The following ABCA5 variants were observed in gnomAD, a reference collection of about 807,000 sequenced individuals.
ABCA5 encodes the protein cholesterol transporter ABCA5.
A neutral mutation model predicts 206.0 loss-of-function variants in ABCA5; 163 were observed. The ratio of observed to expected loss-of-function variants is 0.79; its 90% CI spans 0.70 to 0.90. The LOEUF (loss-of-function observed/expected upper bound fraction) is 0.90, where lower values mean the gene tolerates loss of function less well. Ranked by LOEUF, ABCA5 falls within the 40% of genes least tolerant of loss-of-function variation. ABCA5 has a pLI of 0.00. For missense variants in ABCA5, 1,859 were observed against 1,912.9 expected, an observed-to-expected ratio of 0.97 and a Z score of 0.53; for synonymous variants, 609 against 613.8, an observed-to-expected ratio of 0.99 and a Z score of 0.11.
At chr17:69,312,806 C>G (rs1243152612) in intron 3 of ABCA5, among the ~76,000 whole-genome samples, 1 of 152,022 alleles carries the variant, frequency 6.6e-6, no homozygotes, top group Non-Finnish European at 1.5e-5. Flanking sequence ...AATAGCCCAT[C>G]AAAGCTTGTA....
At chr17:69,285,300 C>A (rs1219387133) in intron 17 of ABCA5, 1 of 123,970 alleles carries the variant, frequency 8.1e-6, no homozygotes, top group Non-Finnish European at 1.7e-5. Context: ...CTTCAGTCCA[C>A]TTAATTTGTG....
Position 69,297,172 on chromosome 17 carries a change from G to T in ABCA5, c.1436+19C>A. Reference sequence around the variant, plus strand: ...CATCAGCAGTTCTTATACCTAAATTGCCAAAGATTGAACCATACCTTATGG... The same window carrying T: ...CATCAGCAGTTCTTATACCTAAATTTCCAAAGATTGAACCATACCTTATGG... On this transcript the variant is annotated intron_variant, in intron 10 of 38. Transcript: ENST00000392676. 6.3e-7 allele frequency: 1 copy of T among 1,599,588 alleles called. No individual in the cohort carries two copies. Among genetic ancestry groups the T allele is most frequent in the Non-Finnish European group, 8.5e-7 (1 of 1,175,936 alleles).
chr17:69,256,918 T>C (rs2075089909), intron 28 of ABCA5, among the ~76,000 whole-genome samples: 1 of 151,834 alleles, frequency 6.6e-6, no homozygotes, highest in South Asian at 2.1e-4. Context: ...ACAACCTGAG[T>C]ATAAATGAAA....
intron 9 of ABCA5, among the ~76,000 whole-genome samples, chr17:69,299,455 T>TACACACACACACACAC (rs779059294): frequency 4.8e-5 from 3 of 62,618 alleles, no homozygotes; most frequent in Admixed American, 1.7e-4. Flanking sequence ...GAAAATGTGA[T>TACACACACACACACAC]ACACACACAC....
Position 69,271,234 on chromosome 17 carries a change from C to A in ABCA5, c.2820G>T (p.Thr940=). 1.2e-6 allele frequency: 2 copies of A among 1,613,388 alleles called. No homozygotes were observed. Among genetic ancestry groups the A allele is most frequent in the Non-Finnish European group, 8.5e-7 (1 of 1,179,558 alleles). ...ATACATAGTCACTGTCATTAATCATCGTCACCATTATGTTCTGGCTTGTGA... is the reference window on the plus strand; with the variant it reads ...ATACATAGTCACTGTCATTAATCATAGTCACCATTATGTTCTGGCTTGTGA... ...SFFTSQNIMV[T]MINDSDYVSV... is the part of the protein sequence containing the mutation. The change falls in exon 21 of 39, where the codon ACG becomes ACT. Residue 940 remains threonine, a synonymous_variant. Transcript: ENST00000392676.
At chr17:69,248,683 C>T (rs2074979232) in intron 37 of ABCA5, 1 of 180,682 alleles carries the variant, frequency 5.5e-6, no homozygotes, top group Non-Finnish European at 1.2e-5. Context: ...GATATTGGTC[C>T]TATCTCCATA....
At chr17:69,325,422 A>C (rs1377529350) in intron 1 of ABCA5, among the ~76,000 whole-genome samples, 1 of 152,206 alleles carries the variant, frequency 6.6e-6, no homozygotes, top group Non-Finnish European at 1.5e-5. Context: ...GTCATCCAAT[A>C]AATTTTCTTA....
At position 69,250,371 on chromosome 17, in the gene ABCA5, T is replaced by C. The variant is rs544236273; in HGVS notation, c.4685+101A>G. 826 of 928,638 alleles carry C rather than the reference T, an allele frequency of 8.9e-4. 1 individual carries two copies. Among genetic ancestry groups the C allele is most frequent in the Middle Eastern group, 2.7e-3 (8 of 2,948 alleles). The allele number at this position is 928,638 out of a possible 1,614,324, so 57.5% of individuals were successfully genotyped here. ...CACACAGAGATATATATATATATGG[T>C]CTATGAATGAAAAGATGATTTTTCA... is the stretch of plus-strand genomic sequence containing the variant. On this transcript the variant is annotated intron_variant, in intron 36 of 38. Coordinates refer to ENST00000392676, the MANE Select transcript of ABCA5 (RefSeq NM_172232.4).
chr17:69,301,159 TAGAC>T lies in ABCA5; in HGVS notation c.1243_1246del (p.Val415IlefsTer20), dbSNP rs774752492. 2 of 1,562,446 alleles carry T rather than the reference TAGAC, an allele frequency of 1.3e-6. No individual in the cohort carries two copies. The highest frequency in any genetic ancestry group is 1.2e-5 in the South Asian group (1 of 80,094). ...CATACCTGGAATGACTTGATCAAGA[TAGAC>T]AGCCAAGAGGACATAGAATATACTA... On this transcript the variant is annotated frameshift_variant, in exon 9 of 39. Transcript: ENST00000392676. LOFTEE classifies it high-confidence loss of function.
intron 1 of ABCA5, among the ~76,000 whole-genome samples, chr17:69,320,194 A>C (rs1454085210): frequency 6.6e-6 from 1 of 152,224 alleles, no homozygotes; most frequent in Non-Finnish European, 1.5e-5. Context: ...TCTTGGAACA[A>C]GAGAAAGATA....
intron 24 of ABCA5, among the ~76,000 whole-genome samples, 183 bp from the exon 25 acceptor site, chr17:69,261,931 G>A (rs1286318549): frequency 6.6e-6 from 1 of 151,966 alleles, no homozygotes; most frequent in Non-Finnish European, 1.5e-5. Context: ...TAAAAAGCAA[G>A]TATAGCTAGC....
chr17:69,291,865 C>T (rs893207283), intron 11 of ABCA5, among the ~76,000 whole-genome samples: 4 of 152,104 alleles, frequency 2.6e-5, no homozygotes, highest in Non-Finnish European at 1.5e-5. Flanking sequence ...GTAATCCCAA[C>T]ACTTTGGGAG....
chr17:69,295,970 T>C (rs939879977), intron 10 of ABCA5, among the ~76,000 whole-genome samples: 1 of 152,198 alleles, frequency 6.6e-6, no homozygotes, highest in Admixed American at 6.5e-5. Context: ...GAGAAAAGCA[T>C]AGTATTCCTT....
intron 7 of ABCA5, among the ~76,000 whole-genome samples, chr17:69,303,856 G>A (rs2886248): frequency 0.42 from 11,431 of 27,184 alleles, 4,331 homozygotes; most frequent in East Asian, 0.67. Flanking sequence ...ATATATATAT[G>A]TATATATATA....
At chr17:69,279,368 C>T (rs2075366378) in intron 18 of ABCA5, among the ~76,000 whole-genome samples, 2 of 152,022 alleles carry the variant, frequency 1.3e-5, no homozygotes, top group African/African-American at 4.8e-5. Flanking sequence ...AACTGCTGCT[C>T]AAGGAAATAA....
chr17:69,252,385 T>A (rs1400467721), intron 34 of ABCA5, among the ~76,000 whole-genome samples: 1 of 152,168 alleles, frequency 6.6e-6, no homozygotes, highest in Non-Finnish European at 1.5e-5. Context: ...AATCTATGAT[T>A]TCAAATGTTA....
At chr17:69,257,230 G>T in intron 28 of ABCA5, among the ~76,000 whole-genome samples, 1 of 151,818 alleles carries the variant, frequency 6.6e-6, no homozygotes, top group Non-Finnish European at 1.5e-5. Context: ...AATTAACCAG[G>T]TGTGGTGGCA....
In ABCA5 at chr17:69,274,946, C is replaced by T. The variant is rs553437388; in HGVS notation, c.2595-818G>A. 3.6e-4 allele frequency among the ~76,000 whole-genome samples: 51 copies of T among 142,042 alleles called. 1 individual carries two copies. The South Asian group carries it at 0.011, about 30-fold the overall frequency. 93.2% of individuals were successfully genotyped at this position (142,042 alleles called of 152,430 possible). ...GCAACCTCTGCCTCCCAGGTTCAAA[C>T]GATTGTCATGCCTCAGCCTCCCAAG... On this transcript the variant is annotated intron_variant, in intron 19 of 38. Coordinates refer to ENST00000392676, the MANE Select transcript of ABCA5 (RefSeq NM_172232.4).
At chr17:69,323,524 T>A (rs2075879593) in intron 1 of ABCA5, among the ~76,000 whole-genome samples, 1 of 152,236 alleles carries the variant, frequency 6.6e-6, no homozygotes, top group Admixed American at 6.5e-5. Context: ...AATGTCATTA[T>A]TAACATTGAC....
Sources: allele counts gnomAD v4.1 joint callset (sites outside exome capture counted in the v4.1 genomes callset), GRCh38; gene constraint gnomAD v4.1.1; transcripts MANE v1.5; gene names NCBI Gene and HGNC (gene_info 2026-07-23, HGNC 2026-07-21).